The following RHOBTB3 variants were observed in gnomAD, a reference collection of about 807,000 sequenced individuals.
RHOBTB3 encodes Rho related BTB domain containing 3.
RHOBTB3 carries 47 observed loss-of-function variants against 67.2 expected under a neutral mutation model. That is an observed-to-expected ratio of 0.70 (90% CI 0.55 to 0.89). RHOBTB3 has a LOEUF of 0.89. Ranked by LOEUF, RHOBTB3 falls within the 40% of genes least tolerant of loss-of-function variation. The pLI is 0.00. For synonymous variants in RHOBTB3, 273 were observed against 274.2 expected, an observed-to-expected ratio of 1.00 and a Z score of 0.04; for missense variants, 631 against 750.0, an observed-to-expected ratio of 0.84 and a Z score of 1.85.
At chr5:95,743,081 A>G (rs1177119378) in intron 3 of RHOBTB3, among the ~76,000 whole-genome samples, 1 of 152,220 alleles carries the variant, frequency 6.6e-6, no homozygotes, top group East Asian at 1.9e-4. Flanking sequence ...AAAAAATAAA[A>G]AAATAAAAAA....
chr5:95,793,226 T>C lies in RHOBTB3; in HGVS notation c.*52T>C. On this transcript the variant is annotated 3_prime_UTR_variant, in exon 12 of 12. Transcript: ENST00000379982. ...TTTTTTATTATTATGAAGAATGGGA[T>C]ACCTCCAGGTTCCAGTAAAATTCTT... 1 of 1,190,134 alleles carries C rather than the reference T, an allele frequency of 8.4e-7. No individual in the cohort carries two copies. Among genetic ancestry groups the C allele is most frequent in the East Asian group, 2.5e-5 (1 of 40,806 alleles). The allele number at this position is 1,190,134 out of a possible 1,614,324, so 73.7% of individuals were successfully genotyped here.
Position 95,755,484 on chromosome 5 carries a change from A to T in RHOBTB3, c.771A>T (p.Val257=). Residue 257 remains valine (V), a synonymous_variant, in exon 6 of 12, where the codon GTA becomes GTT. Transcript: ENST00000379982. The stretch of plus-strand genomic sequence containing the variant: ...TCTGCTGCCAGTGTGTGGACGTGGT[A>T]TTTTACAACCCCAATTTAAAGAAAG... The part of the protein sequence containing the change: ...LLFCCQCVDV[V]FYNPNLKKVV... 1 of 1,614,006 alleles carries T rather than the reference A, an allele frequency of 6.2e-7. No individual in the cohort carries two copies. The highest frequency in any genetic ancestry group is 1.1e-5 in the South Asian group (1 of 91,072).
chr5:95,731,220 C>T, upstream of RHOBTB3: 1 of 1,004,102 alleles, frequency 1.0e-6, no homozygotes, highest in East Asian at 1.1e-4. Flanking sequence ...GCGTCCCCCG[C>T]ATCCGCCCGA....
rs1307257240 is a variant in RHOBTB3 at position 95,731,524 on chromosome 5, CCGGCCCCGCTCTGCGT to C, written c.-149_-134del. The stretch of plus-strand genomic sequence containing the variant: ...GGCTCGCTCGCTGGCTGGCGCGGCC[CCGGCCCCGCTCTGCGT>C]CGGCCCCGCCGCGGTGGAGGCGCGC... On this transcript the variant is annotated 5_prime_UTR_variant, in exon 1 of 12. Coordinates refer to ENST00000379982, the MANE Select transcript of RHOBTB3 (RefSeq NM_014899.4). 7.7e-7 allele frequency: 1 copy of C among 1,300,594 alleles called. No homozygotes were observed. The highest frequency in any genetic ancestry group is 1.6e-5 in the African/African-American group (1 of 64,200). The allele number at this position is 1,300,594 out of a possible 1,614,324, so 80.6% of individuals were successfully genotyped here.
At chr5:95,754,821 T>A (rs550252098) in intron 5 of RHOBTB3, among the ~76,000 whole-genome samples, 1 of 152,334 alleles carries the variant, frequency 6.6e-6, no homozygotes, top group East Asian at 1.9e-4. Context: ...GGTCACAATG[T>A]TTTCAAACGA....
chr5:95,758,647 A>T (rs779892952), intron 6 of RHOBTB3, among the ~76,000 whole-genome samples: 1 of 152,238 alleles, frequency 6.6e-6, no homozygotes. Flanking sequence ...GATCAGCCTC[A>T]GGAAGGCCAA....
At chr5:95,752,830 A>G (rs532453101) in intron 5 of RHOBTB3, among the ~76,000 whole-genome samples, 1 of 152,270 alleles carries the variant, frequency 6.6e-6, no homozygotes, top group South Asian at 2.1e-4. Context: ...TGTTCCCAGG[A>G]GATGAAGGTG....
chr5:95,730,255 C>G (rs1755182008), upstream of RHOBTB3, among the ~76,000 whole-genome samples: 1 of 152,072 alleles, frequency 6.6e-6, no homozygotes, highest in South Asian at 2.1e-4. Flanking sequence ...CTCAAAATAG[C>G]TCAGCTGAGA....
chr5:95,743,369 C>T (rs1755653975), intron 3 of RHOBTB3, among the ~76,000 whole-genome samples: 1 of 152,080 alleles, frequency 6.6e-6, no homozygotes, highest in Non-Finnish European at 1.5e-5. Context: ...GGCTTGGCTG[C>T]TTCCACTGGG....
intron 3 of RHOBTB3, among the ~76,000 whole-genome samples, chr5:95,745,838 G>T (rs188552736): frequency 6.6e-6 from 1 of 151,854 alleles, no homozygotes; most frequent in African/African-American, 2.4e-5. Context: ...ATTTAGAATC[G>T]GTTCTACTGC....
intron 6 of RHOBTB3, among the ~76,000 whole-genome samples, chr5:95,760,926 C>T (rs1745376542): frequency 6.6e-6 from 1 of 152,166 alleles, no homozygotes; most frequent in South Asian, 2.1e-4. Context: ...TCAAAGATGA[C>T]TTGATTAATG....
Position 95,780,402 on chromosome 5 carries a change from T to G in RHOBTB3, c.1433T>G (p.Leu478Arg). 1 of 1,614,130 alleles carries G rather than the reference T, an allele frequency of 6.2e-7. No homozygotes were observed. Among genetic ancestry groups the G allele is most frequent in the South Asian group, 1.1e-5 (1 of 91,088 alleles). Residue 478 changes from leucine (L) to arginine (R), a missense_variant, in exon 9 of 12, where the codon CTG (leucine) becomes CGG (arginine). By Grantham distance (102) the Leu-to-Arg change is moderately radical. Coordinates refer to ENST00000379982, the MANE Select transcript of RHOBTB3 (RefSeq NM_014899.4). Reference sequence around the variant, plus strand: ...ACTTTCTTGTCATTTTTAGAATACCTGTACACAGACTCCTGCTGCCCAGGT... The same window carrying G: ...ACTTTCTTGTCATTTTTAGAATACCGGTACACAGACTCCTGCTGCCCAGGT... ...KETFLSFLEYLYTDSCCPAGI... is the reference protein window; with the variant it reads ...KETFLSFLEYRYTDSCCPAGI...
At chr5:95,735,030 C>T (rs139927601) in intron 2 of RHOBTB3, among the ~76,000 whole-genome samples, 174 of 152,234 alleles carry the variant, frequency 1.1e-3, no homozygotes, top group African/African-American at 4.0e-3. Flanking sequence ...TCTCATTTGT[C>T]TTCCTTGTTA....
chr5:95,757,375 G>A (rs1273559182), intron 6 of RHOBTB3, among the ~76,000 whole-genome samples: 1 of 152,188 alleles, frequency 6.6e-6, no homozygotes, highest in Non-Finnish European at 1.5e-5. Context: ...TTCAAATCAT[G>A]TAGCGATAAC....
At chr5:95,776,133 A>G (rs1037677938) in intron 8 of RHOBTB3, among the ~76,000 whole-genome samples, 1 of 152,214 alleles carries the variant, frequency 6.6e-6, no homozygotes, top group Non-Finnish European at 1.5e-5. Flanking sequence ...TTGGCTGGGC[A>G]TGGTGACTCA....
intron 5 of RHOBTB3, among the ~76,000 whole-genome samples, chr5:95,754,536 G>A (rs768252166): frequency 3.3e-5 from 5 of 152,084 alleles, no homozygotes; most frequent in Non-Finnish European, 7.4e-5. Context: ...TGATTTAGAC[G>A]GTTGCATACC....
At chr5:95,727,470 C>T (rs553999102), upstream of RHOBTB3, among the ~76,000 whole-genome samples, 10 of 152,242 alleles carry the variant, frequency 6.6e-5, no homozygotes, top group South Asian at 6.2e-4. Context: ...GTACTTTATG[C>T]TACATCTTAT....
At chr5:95,779,751 C>T (rs1321885105) in intron 8 of RHOBTB3, among the ~76,000 whole-genome samples, 11 of 152,142 alleles carry the variant, frequency 7.2e-5, no homozygotes, top group Non-Finnish European at 1.6e-4. Context: ...ACAAGAGATC[C>T]TCTTGCTATT....
upstream of RHOBTB3, chr5:95,730,945 G>C (rs760028662): frequency 2.1e-6 from 1 of 473,598 alleles, no homozygotes; most frequent in South Asian, 1.5e-5. Context: ...CGGGTTGCTG[G>C]GGCGGCACTC....
Sources: gnomAD v4.1 joint callset for allele counts (sites outside exome capture counted in the v4.1 genomes callset) on GRCh38, gnomAD v4.1.1 for gene constraint, MANE v1.5 for transcripts, NCBI Gene and HGNC (gene_info 2026-07-23, HGNC 2026-07-21) for gene names.